Variants in ARL10 observed in about 807,000 individuals in gnomAD.
The protein encoded by ARL10 is ARF like GTPase 10.
In ARL10, 23 loss-of-function variants were observed where a neutral mutation model predicts 26.1. That is an observed-to-expected ratio of 0.88 (90% CI 0.63 to 1.25). The LOEUF (loss-of-function observed/expected upper bound fraction) is 1.25, where lower values mean the gene tolerates loss of function less well. ARL10 is among the 50% of genes most tolerant of loss of function. The pLI is 0.00. For synonymous variants in ARL10, 138 were observed against 149.1 expected (o/e 0.93, Z 0.54); for missense variants, 300 against 323.6 (o/e 0.93, Z 0.56).
the ARL10 span, among the ~76,000 whole-genome samples, chr5:176,411,454 C>G: frequency 1.0e-3 from 159 of 152,338 alleles, 1 homozygote; most frequent in African/African-American, 3.7e-3. Flanking sequence ...CTCCCTCACT[C>G]CCTTCAGCTT....
rs867346320 is a variant in ARL10, at chr5:176,397,841, C to G, written c.134-3900C>G. The stretch of plus-strand genomic sequence containing the variant: ...GCACCGGCCCAGTCCCACATTAAGG[C>G]ATGCAGCATCCCATGCACTCCGAGG... On this transcript the variant is annotated intron_variant, in intron 1 of 1. Transcript: ENST00000514533. 50 of 1,468,102 alleles carry G rather than the reference C, an allele frequency of 3.4e-5. No individual in the cohort carries two copies. The Middle Eastern group carries it at 1.6e-3, about 46-fold the overall frequency. 90.9% of individuals were successfully genotyped at this position (1,468,102 alleles called of 1,614,324 possible). A position where few individuals can be genotyped will look rare whatever the true frequency, so the allele number is the denominator to read the frequency against.
chr5:176,407,336 C>T, the ARL10 span, among the ~76,000 whole-genome samples: 1,923 of 152,288 alleles, frequency 0.013, 31 homozygotes, highest in African/African-American at 0.044. Context: ...GACAAAGTCT[C>T]GCTCTGTCGT....
At chr5:176,400,585 A>C (rs1461974014) in intron 1 of ARL10, among the ~76,000 whole-genome samples, 1 of 152,154 alleles carries the variant, frequency 6.6e-6, no homozygotes, top group Non-Finnish European at 1.5e-5. Flanking sequence ...ATCCAGGTCC[A>C]GCCACACCCG....
chr5:176,409,097 C>T, the ARL10 span, among the ~76,000 whole-genome samples: 4 of 152,080 alleles, frequency 2.6e-5, no homozygotes, highest in African/African-American at 9.7e-5. Context: ...CTGCCTCAGC[C>T]TCCCAAGTAG....
intron 1 of ARL10, chr5:176,388,289 G>C: frequency 6.2e-7 from 1 of 1,614,140 alleles, no homozygotes; most frequent in Non-Finnish European, 8.5e-7. Flanking sequence ...ACCCCATCTC[G>C]GCCAGGTTCT....
At chr5:176,369,095 GC>G (rs765743704) in intron 3 of ARL10, 113 bp downstream of exon 3, 4 of 1,539,586 alleles carry the variant, frequency 2.6e-6, no homozygotes, top group Non-Finnish European at 3.5e-6. Flanking sequence ...CTGAGATGCT[GC>G]CCCCACCTCT....
rs889661584 is a variant in ARL10, at chr5:176,368,537, G to C, written c.386-270G>C. Among the ~76,000 whole-genome samples the C allele has an allele frequency of 6.6e-6, 1 of 152,110 alleles. No individual in the cohort carries two copies. The highest frequency in any genetic ancestry group is 6.5e-5 in the Admixed American group (1 of 15,268). On this transcript the variant is annotated intron_variant, in intron 2 of 3. Transcript: ENST00000310389. The surrounding 1 kb of genome is among the most constrained non-coding windows in gnomAD (Gnocchi z 4.1). ...TTCAGTGAGGAGACTGGTGCTTAAA[G>C]CTAGGGACTTGCCCCAAGAGACCCG...
rs1393036270 is a variant in ARL10, at chr5:176,386,960, T to G, written c.37-1335T>G. On this transcript the variant is annotated intron_variant, in intron 1 of 1. Coordinates refer to the ARL10 transcript ENST00000503175. ...CAGAAGGATCTTTGATGAGGGAAAG[T>G]TATAGACTCCTGCTTATCCCAACAC... 2.7e-6 allele frequency: 4 copies of G among 1,500,248 alleles called. No homozygotes were observed. The Admixed American group carries it at 6.7e-5, about 25-fold the overall frequency. 92.9% of individuals were successfully genotyped at this position (1,500,248 alleles called of 1,614,324 possible).
exon 2 of ARL10, chr5:176,388,629 G>C (rs1756096135): frequency 7.3e-7 from 1 of 1,377,766 alleles, no homozygotes; most frequent in African/African-American, 1.4e-5. Context: ...CGTGCACAAG[G>C]CTTTGCGGGC....
chr5:176,396,711 G>A (rs533828545), intron 1 of ARL10, among the ~76,000 whole-genome samples: 2 of 152,076 alleles, frequency 1.3e-5, no homozygotes, highest in East Asian at 3.9e-4. Flanking sequence ...CAGGAGAATG[G>A]GGACCTTCAC....
chr5:176,397,762 T>G (rs1157398994), intron 1 of ARL10: 1 of 1,580,464 alleles, frequency 6.3e-7, no homozygotes, highest in Non-Finnish European at 8.7e-7. Flanking sequence ...CCAGCTGGGA[T>G]GCACAGGCCC....
At chr5:176,367,665 G>C (rs1479332282) in intron 2 of ARL10, among the ~76,000 whole-genome samples, 1 of 152,056 alleles carries the variant, frequency 6.6e-6, no homozygotes, top group Admixed American at 6.6e-5. Flanking sequence ...GACACTTCCA[G>C]CATGCTCTCC....
downstream of ARL10, chr5:176,406,297 G>C: frequency 9.5e-7 from 1 of 1,055,998 alleles, no homozygotes; most frequent in Non-Finnish European, 1.1e-6. Context: ...CAGAAGGCAG[G>C]AGGCGACAGT....
chr5:176,379,088 C>G lies in ARL10; in HGVS notation c.*7193C>G. Reference sequence around the variant, plus strand: ...CTGCCTTTAAACAATTGGGATATGCCTTAGCTATGGGGTCTAATTGCAGGC... The same window carrying G: ...CTGCCTTTAAACAATTGGGATATGCGTTAGCTATGGGGTCTAATTGCAGGC... On this transcript the variant is annotated 3_prime_UTR_variant, in exon 4 of 4. Transcript: ENST00000310389. 1 of 152,206 alleles carries G rather than the reference C, an allele frequency of 6.6e-6. No individual in the cohort carries two copies. Among genetic ancestry groups the G allele is most frequent in the African/African-American group, 2.4e-5 (1 of 41,542 alleles). The allele number at this position is 152,206 out of a possible 1,614,324, so 9.4% of individuals were successfully genotyped here. A position where few individuals can be genotyped will look rare whatever the true frequency, so the allele number is the denominator to read the frequency against.
At chr5:176,400,390 T>C (rs1756760284) in intron 1 of ARL10, among the ~76,000 whole-genome samples, 1 of 152,194 alleles carries the variant, frequency 6.6e-6, no homozygotes, top group Non-Finnish European at 1.5e-5. Context: ...GGGAGGAAAC[T>C]GAGGCCCAGA....
chr5:176,397,771 C>A, intron 1 of ARL10: 1 of 1,565,132 alleles, frequency 6.4e-7, no homozygotes, highest in Non-Finnish European at 8.8e-7. Flanking sequence ...ATGCACAGGC[C>A]CGGCCGCGCT....
At chr5:176,399,941 C>T (rs1445051901) in intron 1 of ARL10, among the ~76,000 whole-genome samples, 3 of 151,372 alleles carry the variant, frequency 2.0e-5, no homozygotes, top group Non-Finnish European at 4.4e-5. Flanking sequence ...CCTGTAATCC[C>T]AGCACTTTGG....
the ARL10 span, chr5:176,410,423 T>C: frequency 4.2e-6 from 3 of 715,990 alleles, no homozygotes; most frequent in African/African-American, 1.8e-5. Flanking sequence ...TCGACCCACA[T>C]GCAAACAGAC....
At chr5:176,389,721 C>T (rs1756183778), downstream of ARL10, 1 of 471,216 alleles carries the variant, frequency 2.1e-6, no homozygotes, top group Non-Finnish European at 3.7e-6. Context: ...CTCCCCTCCA[C>T]TCCCCTGCTT....
Sources: allele counts gnomAD v4.1 joint callset (sites outside exome capture counted in the v4.1 genomes callset), GRCh38; gene constraint gnomAD v4.1.1; non-coding constraint Gnocchi (gnomAD v3.1); transcripts MANE v1.5; gene names NCBI Gene and HGNC (gene_info 2026-07-23, HGNC 2026-07-21).